TRIM55: variants seen among roughly 807,000 people sequenced by gnomAD.
The protein encoded by TRIM55 is tripartite motif containing 55, also known as tripartite motif-containing protein 55.
A neutral mutation model predicts 60.9 loss-of-function variants in TRIM55; 50 were observed. The ratio of observed to expected loss-of-function variants is 0.82; its 90% CI spans 0.65 to 1.04. The LOEUF (loss-of-function observed/expected upper bound fraction) is 1.04, where lower values mean the gene tolerates loss of function less well. Among genes scored for constraint, TRIM55 ranks in the 50% least tolerant of loss-of-function variants. The pLI is 0.00. For missense variants in TRIM55, 681 were observed against 666.9 expected, an observed-to-expected ratio of 1.02 and a Z score of -0.23; for synonymous variants, 237 against 238.1, an observed-to-expected ratio of 1.00 and a Z score of 0.04.
intron 4 of TRIM55, among the ~76,000 whole-genome samples, chr8:66,147,511 A>T (rs1159324359): frequency 6.6e-6 from 1 of 152,146 alleles, no homozygotes; most frequent in African/African-American, 2.4e-5. Context: ...AAAAAAATCT[A>T]TTCCGCCAGG....
chr8:66,162,049 A>T (rs1248395733), intron 9 of TRIM55, among the ~76,000 whole-genome samples: 1 of 151,960 alleles, frequency 6.6e-6, no homozygotes, highest in Admixed American at 6.6e-5. Context: ...GATTTCCAGT[A>T]CTATGTTGAA....
intron 9 of TRIM55, among the ~76,000 whole-genome samples, chr8:66,167,202 G>A (rs1005039584): frequency 5.3e-5 from 8 of 152,102 alleles, no homozygotes; most frequent in African/African-American, 1.9e-4. Context: ...TTTGAGCAAG[G>A]TCCTCAAACT....
At chr8:66,114,207 G>A in the TRIM55 span, among the ~76,000 whole-genome samples, 2 of 151,856 alleles carry the variant, frequency 1.3e-5, no homozygotes, top group African/African-American at 2.4e-5. Context: ...AGCTCAAATG[G>A]TAGAGCGCTC....
intron 9 of TRIM55, 107 bp from the exon 10 acceptor site, chr8:66,174,364 A>G: frequency 2.4e-6 from 2 of 826,894 alleles, no homozygotes; most frequent in Non-Finnish European, 3.3e-6. Flanking sequence ...TTATTATAAT[A>G]ATAATTGTTA....
At chr8:66,126,971 C>T, upstream of TRIM55, 1 of 273,758 alleles carries the variant, frequency 3.7e-6, no homozygotes, top group Admixed American at 5.1e-5. Context: ...AATCCTCCTT[C>T]CCACCCACTC....
At chr8:66,174,097 C>A (rs1010763952) in intron 9 of TRIM55, among the ~76,000 whole-genome samples, 15 of 151,800 alleles carry the variant, frequency 9.9e-5, no homozygotes, top group Admixed American at 2.0e-4. Flanking sequence ...TCAAATTCTG[C>A]AACCCTTTCT....
chr8:66,159,386 C>T (rs1810922527), intron 9 of TRIM55, among the ~76,000 whole-genome samples: 1 of 152,038 alleles, frequency 6.6e-6, no homozygotes, highest in African/African-American at 2.4e-5. Context: ...CTTTTTATTC[C>T]CAAGTGGTAG....
intron 4 of TRIM55, among the ~76,000 whole-genome samples, chr8:66,143,003 TG>T (rs33915572): frequency 0.075 from 11,358 of 152,288 alleles, 658 homozygotes; most frequent in African/African-American, 0.17. Context: ...TTTTCTTTTT[TG>T]GAGGGTTGGT....
Position 66,154,148 on chromosome 8 carries a change from T to A in TRIM55, c.1338T>A (p.Tyr446Ter). 6.2e-7 allele frequency: 1 copy of A among 1,614,000 alleles called. No homozygotes were observed. Among genetic ancestry groups the A allele is most frequent in the East Asian group, 2.2e-5 (1 of 44,876 alleles). ...ATCCCTTGTTTTACCCTAGTTGGTA[T>A]AAAGGCCAAACCCGGAAAGCCACCA... is the stretch of plus-strand genomic sequence containing the variant. ...TADPLFYPSWYKGQTRKATTN... is the reference protein window; with the variant it reads ...TADPLFYPSW The change falls in exon 9 of 10, where the codon TAT (tyrosine) becomes TAA (stop). Residue 446 changes from tyrosine to a stop codon, truncating the protein, a stop_gained. Coordinates refer to ENST00000315962, the MANE Select transcript of TRIM55 (RefSeq NM_184085.2). LOFTEE classifies it high-confidence loss of function.
chr8:66,169,825 G>C (rs1032939307), intron 9 of TRIM55, among the ~76,000 whole-genome samples: 2 of 151,992 alleles, frequency 1.3e-5, no homozygotes, highest in African/African-American at 4.8e-5. Context: ...GCAAGTTCTG[G>C]GTTGTTCATT....
intron 8 of TRIM55, among the ~76,000 whole-genome samples, 159 bp downstream of exon 8, chr8:66,152,786 G>A (rs568380762): frequency 1.4e-4 from 21 of 152,320 alleles, no homozygotes; most frequent in African/African-American, 4.8e-4. Context: ...TCATGTCGGG[G>A]AGAAAAGTCC....
At position 66,149,648 on chromosome 8, in the gene TRIM55, T is replaced by G; in HGVS notation, c.607T>G (p.Cys203Gly). Residue 203 changes from cysteine to glycine, a missense_variant, in exon 5 of 10, where the codon TGT (cysteine) becomes GGT (glycine). Cys to Gly is a radical substitution (Grantham distance 159, BLOSUM62 -3). Coordinates refer to ENST00000315962, the MANE Select transcript of TRIM55 (RefSeq NM_184085.2). ...LEDTCKTIEE[C>G]CRKQKQELCE... ...CATTAGCTAACCCAACTAATAGGAA[T>G]GTTGCAGAAAACAGAAACAAGAGCT... 1.9e-6 allele frequency: 3 copies of G among 1,612,712 alleles called. No individual in the cohort carries two copies. Among genetic ancestry groups the G allele is most frequent in the Non-Finnish European group, 1.7e-6 (2 of 1,178,754 alleles).
chr8:66,133,910 C>T (rs1809321784), intron 2 of TRIM55, among the ~76,000 whole-genome samples: 1 of 152,204 alleles, frequency 6.6e-6, no homozygotes, highest in South Asian at 2.1e-4. Context: ...TATACACACA[C>T]ATATGTATAT....
intron 4 of TRIM55, among the ~76,000 whole-genome samples, chr8:66,139,983 T>A (rs1439091940): frequency 6.6e-6 from 1 of 152,208 alleles, no homozygotes; most frequent in African/African-American, 2.4e-5. Context: ...ACCTTTTCTA[T>A]GTTTAGATAT....
chr8:66,133,567 C>T (rs1210989371), intron 2 of TRIM55, among the ~76,000 whole-genome samples: 4 of 152,214 alleles, frequency 2.6e-5, no homozygotes, highest in African/African-American at 9.6e-5. Context: ...TCATGGAAAG[C>T]ATATTGCTGC....
chr8:66,169,425 T>C (rs1314251913), intron 9 of TRIM55, among the ~76,000 whole-genome samples: 1 of 152,076 alleles, frequency 6.6e-6, no homozygotes, highest in Admixed American at 6.6e-5. Flanking sequence ...ACTTTGGCTT[T>C]AAAAAAAATC....
At chr8:66,152,920 T>A (rs1810524444) in intron 8 of TRIM55, among the ~76,000 whole-genome samples, 1 of 143,592 alleles carries the variant, frequency 7.0e-6, no homozygotes, top group Admixed American at 6.7e-5. Flanking sequence ...TGTGTGTGTG[T>A]GTGTGTGTGT....
chr8:66,114,092 C>G, the TRIM55 span, among the ~76,000 whole-genome samples: 6 of 137,532 alleles, frequency 4.4e-5, 1 homozygote, highest in African/African-American at 1.4e-4. Context: ...ACCCCCCCCC[C>G]CATTATTTTG....
the TRIM55 span, among the ~76,000 whole-genome samples, chr8:66,114,236 A>G: frequency 6.6e-5 from 10 of 152,306 alleles, no homozygotes; most frequent in Middle Eastern, 3.4e-3. Flanking sequence ...TGCGAGAGGT[A>G]GCGGGATCGA....
Sources: gnomAD v4.1 joint callset for allele counts (sites outside exome capture counted in the v4.1 genomes callset) on GRCh38, gnomAD v4.1.1 for gene constraint, MANE v1.5 for transcripts, NCBI Gene and HGNC (gene_info 2026-07-23, HGNC 2026-07-21) for gene names.